Variants in HHIP observed in about 807,000 individuals in gnomAD.
HHIP encodes the protein hedgehog interacting protein, also known as hedgehog-interacting protein.
A neutral mutation model predicts 74.0 loss-of-function variants in HHIP; 12 were observed. The ratio of observed to expected loss-of-function variants is 0.16; its 90% CI spans 0.10 to 0.26. The LOEUF is 0.26. Ranked by LOEUF, HHIP falls within the 10% of genes least tolerant of loss-of-function variation. HHIP has a pLI of 1.00. For missense variants in HHIP, 788 were observed against 845.0 expected (o/e 0.93, Z 0.84); for synonymous variants, 309 against 311.6 (o/e 0.99, Z 0.09).
At chr4:144,695,598 T>A (rs2126640065) in intron 4 of HHIP, among the ~76,000 whole-genome samples, 1 of 151,738 alleles carries the variant, frequency 6.6e-6, no homozygotes, top group African/African-American at 2.4e-5. Context: ...AATGTCGGGG[T>A]CTATTTCTTT....
intron 4 of HHIP, among the ~76,000 whole-genome samples, chr4:144,675,552 T>G (rs1729149740): frequency 1.3e-5 from 2 of 152,084 alleles, no homozygotes; most frequent in African/African-American, 4.8e-5. Flanking sequence ...ATTATTAATT[T>G]CTCATTAGTT....
At position 144,646,822 on chromosome 4, in the gene HHIP, A is replaced by G; in HGVS notation, c.147A>G (p.Lys49=). The change falls in exon 1 of 13, where the codon AAA becomes AAG. Residue 49 remains lysine (K), a synonymous_variant. Coordinates refer to ENST00000296575, the MANE Select transcript of HHIP (RefSeq NM_022475.3). ...ATGGGAACCCCCCGAAGCGCCTGAA[A>G]AGGAGAGACAGGAGGATGATGTCCC... ...CLNGNPPKRL[K]RRDRRMMSQL... 6.2e-7 allele frequency: 1 copy of G among 1,614,206 alleles called. No homozygotes were observed. Among genetic ancestry groups the G allele is most frequent in the Admixed American group, 1.7e-5 (1 of 60,020 alleles).
chr4:144,658,748 G>C (rs199658259), intron 2 of HHIP, 42 bp from the exon 3 acceptor site: 5 of 1,511,994 alleles, frequency 3.3e-6, no homozygotes, highest in Non-Finnish European at 4.5e-6. Flanking sequence ...GTTTTACTAT[G>C]ACATTAGGTG....
intron 4 of HHIP, among the ~76,000 whole-genome samples, chr4:144,670,757 A>G (rs547841738): frequency 1.4e-3 from 182 of 127,706 alleles, no homozygotes; most frequent in South Asian, 3.6e-3. Flanking sequence ...AAAGATGCTT[A>G]AGATTTGAAA....
chr4:144,678,010 C>T (rs1296787558), intron 4 of HHIP, among the ~76,000 whole-genome samples: 1 of 152,126 alleles, frequency 6.6e-6, no homozygotes, highest in Non-Finnish European at 1.5e-5. Flanking sequence ...GACTTAGTAA[C>T]TTCTAAGTTG....
Position 144,738,663 on chromosome 4 carries a change from T to C in HHIP, c.*706T>C, listed in dbSNP as rs199565905. On this transcript the variant is annotated 3_prime_UTR_variant, in exon 13 of 13. Coordinates refer to ENST00000296575, the MANE Select transcript of HHIP (RefSeq NM_022475.3). ...TTTTATTGTATATTTTATTTAACAA[T>C]AGGCACTGGGTTTGTGTTACATATT... 1.8e-4 allele frequency: 125 copies of C among 677,538 alleles called. No individual in the cohort carries two copies. Among genetic ancestry groups the C allele is most frequent in the Admixed American group, 3.2e-4 (5 of 15,848 alleles). The allele number at this position is 677,538 out of a possible 1,614,324, so 42.0% of individuals were successfully genotyped here. A position where few individuals can be genotyped will look rare whatever the true frequency, so the allele number is the denominator to read the frequency against.
At chr4:144,735,795 G>T (rs1365219474) in intron 12 of HHIP, among the ~76,000 whole-genome samples, 5 of 151,932 alleles carry the variant, frequency 3.3e-5, no homozygotes, top group Admixed American at 3.3e-4. Flanking sequence ...ACTATAACTT[G>T]TCTATTTTTA....
intron 4 of HHIP, among the ~76,000 whole-genome samples, chr4:144,684,717 G>C (rs920394281): frequency 6.6e-6 from 1 of 152,044 alleles, no homozygotes; most frequent in Non-Finnish European, 1.5e-5. Context: ...ATATTTCCTA[G>C]GGCTTTGAAT....
At chr4:144,684,209 G>T (rs1299553555) in intron 4 of HHIP, among the ~76,000 whole-genome samples, 2 of 107,142 alleles carry the variant, frequency 1.9e-5, no homozygotes, top group African/African-American at 3.6e-5. Context: ...CCGTCTCTAT[G>T]AAAAATACAA....
chr4:144,701,667 A>C (rs1729988768), intron 4 of HHIP, among the ~76,000 whole-genome samples: 1 of 152,220 alleles, frequency 6.6e-6, no homozygotes, highest in Non-Finnish European at 1.5e-5. Context: ...GAATAAGTGT[A>C]AAATTAAAAA....
intron 4 of HHIP, among the ~76,000 whole-genome samples, chr4:144,692,428 AT>A (rs1301986719): frequency 6.6e-6 from 1 of 152,134 alleles, no homozygotes; most frequent in Non-Finnish European, 1.5e-5. Context: ...AATCATACTC[AT>A]TACAGATAAA....
At chr4:144,723,260 C>A (rs1235464422) in intron 11 of HHIP, among the ~76,000 whole-genome samples, 1 of 152,122 alleles carries the variant, frequency 6.6e-6, no homozygotes, top group Non-Finnish European at 1.5e-5. Flanking sequence ...ATGCAAATTC[C>A]AGGCTCGAGA....
chr4:144,679,980 T>C (rs1432745637), intron 4 of HHIP, among the ~76,000 whole-genome samples: 1 of 152,200 alleles, frequency 6.6e-6, no homozygotes, highest in Non-Finnish European at 1.5e-5. Context: ...CTTTTATCTC[T>C]AGCAATTTGG....
At chr4:144,701,496 G>A (rs758031456) in intron 4 of HHIP, among the ~76,000 whole-genome samples, 6 of 151,938 alleles carry the variant, frequency 3.9e-5, no homozygotes, top group Non-Finnish European at 8.8e-5. Context: ...AAATCTCCAA[G>A]TATGATGGGA....
intron 7 of HHIP, among the ~76,000 whole-genome samples, chr4:144,709,443 T>C (rs1322526869): frequency 6.6e-6 from 1 of 152,152 alleles, no homozygotes. Context: ...CTGGGGGTCC[T>C]GAACCTCAAT....
At chr4:144,655,305 T>C (rs1728528986) in intron 2 of HHIP, among the ~76,000 whole-genome samples, 1 of 152,160 alleles carries the variant, frequency 6.6e-6, no homozygotes, top group Non-Finnish European at 1.5e-5. Context: ...CCAAAAACTC[T>C]CCACTTGTTT....
intron 2 of HHIP, among the ~76,000 whole-genome samples, chr4:144,654,037 C>G (rs991625482): frequency 1.3e-5 from 2 of 152,112 alleles, no homozygotes; most frequent in Non-Finnish European, 2.9e-5. Context: ...CTGGAAACTT[C>G]AAGTCTTGAA....
At chr4:144,706,967 A>G in intron 5 of HHIP, 120 bp from the exon 6 acceptor site, 3 of 812,844 alleles carry the variant, frequency 3.7e-6, no homozygotes, top group Non-Finnish European at 5.9e-6. Context: ...TTTCAAATAT[A>G]TGTTTCCTTA....
At chr4:144,716,869 A>AAAAAAAAAAAAAAAAAAG (rs1730464867) in intron 10 of HHIP, among the ~76,000 whole-genome samples, 1 of 136,484 alleles carries the variant, frequency 7.3e-6, no homozygotes, top group Non-Finnish European at 1.5e-5. Context: ...AAAAAAAAAA[A>AAAAAAAAAAAAAAAAAAG]AAAAAAAAAA....
Sources: gnomAD v4.1 joint callset for allele counts (sites outside exome capture counted in the v4.1 genomes callset) on GRCh38, gnomAD v4.1.1 for gene constraint, MANE v1.5 for transcripts, NCBI Gene and HGNC (gene_info 2026-07-23, HGNC 2026-07-21) for gene names.